NECAB2: variants seen among roughly 807,000 people sequenced by gnomAD.
NECAB2 encodes the protein N-terminal EF-hand calcium binding protein 2, also known as N-terminal EF-hand calcium-binding protein 2.
A neutral mutation model predicts 51.9 loss-of-function variants in NECAB2; 68 were observed. That is an observed-to-expected ratio of 1.31 (90% CI 1.08 to 1.60). The LOEUF (loss-of-function observed/expected upper bound fraction) is 1.60, where lower values mean the gene tolerates loss of function less well. Ranked by LOEUF, NECAB2 falls within the 40% of genes most tolerant of loss-of-function variation. The pLI is 0.00. For synonymous variants in NECAB2, 329 were observed against 203.5 expected (o/e 1.62, Z -5.25); for missense variants, 854 against 490.3 (o/e 1.74, Z -7.00).
chr16:83,996,281 C>G (rs575321454), intron 8 of NECAB2, among the ~76,000 whole-genome samples: 95 of 152,336 alleles, frequency 6.2e-4, no homozygotes, highest in Non-Finnish European at 1.1e-3. Context: ...CCAGGCACAC[C>G]TTCACCACTT....
chr16:83,997,117 T>A, intron 8 of NECAB2, 99 bp from the exon 9 acceptor site: 1 of 1,469,958 alleles, frequency 6.8e-7, no homozygotes, highest in South Asian at 1.1e-5. Context: ...GGCCGGGTCC[T>A]TGGGAGCTCC....
intron 2 of NECAB2, among the ~76,000 whole-genome samples, chr16:83,973,522 C>T (rs970749688): frequency 3.9e-5 from 6 of 152,038 alleles, no homozygotes; most frequent in South Asian, 2.1e-4. Flanking sequence ...ATAAGAGGGA[C>T]GTAGGGAGAT....
At chr16:83,989,831 C>G (rs1567672463) in intron 5 of NECAB2, among the ~76,000 whole-genome samples, 1 of 152,190 alleles carries the variant, frequency 6.6e-6, no homozygotes, top group Non-Finnish European at 1.5e-5. Flanking sequence ...TCTTTTTCGT[C>G]TTTTCCCCAG....
intron 8 of NECAB2, among the ~76,000 whole-genome samples, chr16:83,996,666 T>A (rs573865291): frequency 5.9e-5 from 9 of 152,180 alleles, no homozygotes; most frequent in African/African-American, 2.2e-4. Flanking sequence ...GAGCCGGGGT[T>A]CTCTGCCGTG....
rs2084315919 is a variant in NECAB2, at chr16:83,968,711, G to A, written c.63G>A (p.Pro21=). 6.9e-6 allele frequency: 7 copies of A among 1,010,764 alleles called. No homozygotes were observed. The highest frequency in any genetic ancestry group is 1.7e-5 in the African/African-American group (1 of 57,170). The allele number at this position is 1,010,764 out of a possible 1,614,324, so 62.6% of individuals were successfully genotyped here. Residue 21 remains proline, a synonymous_variant, in exon 1 of 13, where the codon CCG becomes CCA. Coordinates refer to ENST00000305202, the MANE Select transcript of NECAB2 (RefSeq NM_019065.3). Reference sequence around the variant, plus strand: ...CGCACAGGCTGCTCCGGGAGCCGCCGCAGCAGGGCCGGGCGCTGGGCGGGC... The same window carrying A: ...CGCACAGGCTGCTCCGGGAGCCGCCACAGCAGGGCCGGGCGCTGGGCGGGC... ...AGAHRLLREP[P]QQGRALGGLL... is the part of the protein sequence containing the mutation.
chr16:83,993,843 T>G (rs1019625693), intron 6 of NECAB2, among the ~76,000 whole-genome samples: 1 of 152,162 alleles, frequency 6.6e-6, no homozygotes, highest in African/African-American at 2.4e-5. Flanking sequence ...GTCTCGCTTT[T>G]ATGTGTATGT....
At position 83,994,374 on chromosome 16, in the gene NECAB2, C is replaced by T. The variant is rs2084667174; in HGVS notation, c.669C>T (p.Pro223=). Residue 223 remains proline (P), a synonymous_variant, in exon 7 of 13, where the codon CCC becomes CCT. Transcript: ENST00000305202. ...GAAGCCCCACTCCCGCCTCTGCCCC[C>T]AACCACAAGCTCATGGCTATGGAAC... is the stretch of plus-strand genomic sequence containing the variant. ...WCGSPTPASA[P]NHKLMAMEQG... is the part of the protein sequence containing the mutation. 1 of 1,614,192 alleles carries T rather than the reference C, an allele frequency of 6.2e-7. No homozygotes were observed. Among genetic ancestry groups the T allele is most frequent in the African/African-American group, 1.3e-5 (1 of 75,054 alleles).
chr16:83,966,022 C>T (rs201929895), upstream of NECAB2: 50 of 1,504,406 alleles, frequency 3.3e-5, 1 homozygote, highest in Non-Finnish European at 3.6e-5. Context: ...CGGCCAGACC[C>T]GCTGGCTCCC....
chr16:83,978,400 A>G (rs762666283), intron 2 of NECAB2, 44 bp from the exon 3 acceptor site: 2 of 1,554,394 alleles, frequency 1.3e-6, no homozygotes, highest in South Asian at 1.1e-5. Context: ...CACCAGCCTT[A>G]TCTCTGCAGA....
intron 1 of NECAB2, among the ~76,000 whole-genome samples, chr16:83,969,555 A>G (rs2084326564): frequency 6.7e-6 from 1 of 150,204 alleles, no homozygotes; most frequent in African/African-American, 2.5e-5. Flanking sequence ...CTCTTCATGG[A>G]CCAGACTCAC....
intron 8 of NECAB2, among the ~76,000 whole-genome samples, chr16:83,995,578 C>T (rs981051193): frequency 1.3e-5 from 2 of 152,200 alleles, no homozygotes; most frequent in Non-Finnish European, 2.9e-5. Context: ...CCCGTATACC[C>T]ACATAAGCCA....
At chr16:83,995,639 C>G (rs531010855) in intron 8 of NECAB2, among the ~76,000 whole-genome samples, 1 of 152,158 alleles carries the variant, frequency 6.6e-6, no homozygotes, top group African/African-American at 2.4e-5. Flanking sequence ...TATGTTTCTC[C>G]TACTTTTGTG....
At chr16:83,968,153 G>A (rs1156245499), upstream of NECAB2, among the ~76,000 whole-genome samples, 1 of 151,530 alleles carries the variant, frequency 6.6e-6, no homozygotes, top group African/African-American at 2.4e-5. Flanking sequence ...GGCGCCCGCG[G>A]GCGTGACGGG....
Position 83,977,315 on chromosome 16 carries a change from C to T in NECAB2, c.227-1129C>T, listed in dbSNP as rs536800406. 2.4e-3 allele frequency among the ~76,000 whole-genome samples: 368 copies of T among 152,116 alleles called. 4 individuals carry two copies. Among genetic ancestry groups the T allele is most frequent in the African/African-American group, 8.3e-3 (343 of 41,506 alleles). On this transcript the variant is annotated intron_variant, in intron 2 of 12. Transcript: ENST00000305202. Reference sequence around the variant, plus strand: ...AGATCCTTGAGGAGGGGGGAGGTGGCTGCAGGGCAGGTGGGGGATGAGCTT... The same window carrying T: ...AGATCCTTGAGGAGGGGGGAGGTGGTTGCAGGGCAGGTGGGGGATGAGCTT...
At chr16:83,997,080 C>A in intron 8 of NECAB2, 136 bp from the exon 9 acceptor site, 3 of 871,578 alleles carry the variant, frequency 3.4e-6, no homozygotes, top group South Asian at 1.6e-5. Flanking sequence ...CACTTCCTAG[C>A]GTTGGTCTCC....
At position 83,986,216 on chromosome 16, in the gene NECAB2, C is replaced by T. The variant is rs1049023808; in HGVS notation, c.460-4278C>T. On this transcript the variant is annotated intron_variant, in intron 5 of 12. Transcript: ENST00000305202. The stretch of plus-strand genomic sequence containing the variant: ...GTTTCTAGTAGAGACGGGTTTTCAC[C>T]CTGTTGGCCAGGCTGGTCTTGAACT... 7.2e-5 allele frequency among the ~76,000 whole-genome samples: 11 copies of T among 152,216 alleles called. 1 individual carries two copies. The South Asian group carries it at 1.2e-3, about 17-fold the overall frequency.
chr16:83,996,410 A>G (rs1397475869), intron 8 of NECAB2, among the ~76,000 whole-genome samples: 1 of 152,126 alleles, frequency 6.6e-6, no homozygotes, highest in Non-Finnish European at 1.5e-5. Context: ...TTAGAACGTC[A>G]CGGTGGTGAC....
intron 10 of NECAB2, among the ~76,000 whole-genome samples, chr16:83,998,714 A>C (rs56410104): frequency 0.061 from 9,246 of 152,250 alleles, 278 homozygotes; most frequent in East Asian, 0.11. Flanking sequence ...GTCCAGGCCC[A>C]GAATGTAGTA....
Position 84,002,499 on chromosome 16 carries a change from GCCCCTGCCCC to G in NECAB2, c.*155_*164del. On this transcript the variant is annotated 3_prime_UTR_variant, in exon 13 of 13. Transcript: ENST00000305202. Reference sequence around the variant, plus strand: ...TCCCTGTTGTTAAGTGAAGGAGGCCGCCCCTGCCCCCACCTGAGAAGGCAGAGCAGTGTCT... The same window carrying G: ...TCCCTGTTGTTAAGTGAAGGAGGCCGCACCTGAGAAGGCAGAGCAGTGTCT... 1 of 969,604 alleles carries G rather than the reference GCCCCTGCCCC, an allele frequency of 1.0e-6. No homozygotes were observed. The highest frequency in any genetic ancestry group is 2.1e-4 in the Middle Eastern group (1 of 4,722). The allele number at this position is 969,604 out of a possible 1,614,324, so 60.1% of individuals were successfully genotyped here.
Sources: gnomAD v4.1 joint callset for allele counts (sites outside exome capture counted in the v4.1 genomes callset) on GRCh38, gnomAD v4.1.1 for gene constraint, MANE v1.5 for transcripts, NCBI Gene and HGNC (gene_info 2026-07-23, HGNC 2026-07-21) for gene names.